ORC3: variants seen among roughly 807,000 people sequenced by gnomAD.
ORC3 encodes homolog of latheo, Drosophila.
In ORC3, 78 loss-of-function variants were observed where a neutral mutation model predicts 100.7. The observed-to-expected ratio is 0.77, with a 90% CI of 0.65 to 0.94. ORC3 has a LOEUF of 0.94. Ranked by LOEUF, ORC3 falls within the 40% of genes least tolerant of loss-of-function variation. The probability of loss-of-function intolerance (pLI) is 0.00; values close to 1 mark genes in which losing one functional copy is unlikely to be tolerated. For missense variants in ORC3, 789 were observed against 823.9 expected (o/e 0.96, Z 0.52); for synonymous variants, 295 against 289.3 (o/e 1.02, Z -0.20).
intron 8 of ORC3, among the ~76,000 whole-genome samples, chr6:87,613,585 C>T (rs557187591): frequency 1.3e-5 from 2 of 152,274 alleles, no homozygotes; most frequent in Admixed American, 6.5e-5. Flanking sequence ...GTCCCTTCTG[C>T]CTATGAGCCT....
the ORC3 span, among the ~76,000 whole-genome samples, chr6:87,674,395 T>G: frequency 6.6e-6 from 1 of 151,554 alleles, no homozygotes; most frequent in Non-Finnish European, 1.5e-5. Flanking sequence ...GGAAATATGC[T>G]ACTAGAATTC....
At position 87,642,641 on chromosome 6, in the gene ORC3, G is replaced by T. The variant is rs191442119; in HGVS notation, c.1382+6155G>T. The stretch of plus-strand genomic sequence containing the variant: ...TAAATGGCCGGGTGTGGTGGCTCAC[G>T]CCTGTAATCCCAGCACTTTGGGAGG... On this transcript the variant is annotated intron_variant, in intron 13 of 19. Transcript: ENST00000392844. Among the ~76,000 whole-genome samples the T allele has an allele frequency of 1.5e-3, 226 of 151,984 alleles. 1 individual carries two copies. Among genetic ancestry groups the T allele is most frequent in the Middle Eastern group, 6.8e-3 (2 of 294 alleles).
downstream of ORC3, among the ~76,000 whole-genome samples, chr6:87,669,437 ATGTT>A (rs1333635016): frequency 1.3e-5 from 2 of 152,216 alleles, no homozygotes; most frequent in Non-Finnish European, 2.9e-5. Context: ...GTCAGCTTGA[ATGTT>A]TGTTAAGGAA....
intron 9 of ORC3, among the ~76,000 whole-genome samples, chr6:87,616,772 T>C (rs930217381): frequency 6.6e-5 from 10 of 152,120 alleles, no homozygotes; most frequent in Non-Finnish European, 1.3e-4. Context: ...GTCAGCAAAC[T>C]TCTGTAAAGG....
At chr6:87,606,341 T>C (rs375660929) in intron 5 of ORC3, among the ~76,000 whole-genome samples, 1 of 152,110 alleles carries the variant, frequency 6.6e-6, no homozygotes, top group Non-Finnish European at 1.5e-5. Flanking sequence ...AAGCTGAGAA[T>C]TGGGGAATGA....
At chr6:87,669,821 G>A (rs542873897), downstream of ORC3, among the ~76,000 whole-genome samples, 1 of 152,304 alleles carries the variant, frequency 6.6e-6, no homozygotes, top group South Asian at 2.1e-4. Context: ...TAAGGAAGTT[G>A]GCAACAGGGA....
At chr6:87,625,734 T>G (rs1341848593) in intron 11 of ORC3, among the ~76,000 whole-genome samples, 3 of 152,216 alleles carry the variant, frequency 2.0e-5, no homozygotes, top group African/African-American at 7.2e-5. Context: ...TTGTTGACAT[T>G]GCTTTTGGTG....
At chr6:87,631,584 C>G (rs1158963895) in intron 11 of ORC3, among the ~76,000 whole-genome samples, 4 of 152,076 alleles carry the variant, frequency 2.6e-5, no homozygotes, top group African/African-American at 9.7e-5. Flanking sequence ...CCTCCGCCTC[C>G]TGGGTTCAAG....
chr6:87,652,625 G>A (rs539368192), intron 13 of ORC3, among the ~76,000 whole-genome samples: 22 of 152,294 alleles, frequency 1.4e-4, no homozygotes, highest in African/African-American at 4.8e-4. Flanking sequence ...CATTTAGCAC[G>A]TCATATCTTC....
the ORC3 span, chr6:87,675,591 C>T: frequency 3.7e-4 from 598 of 1,613,976 alleles, 7 homozygotes; most frequent in East Asian, 8.2e-3. Flanking sequence ...ATGCAGGATA[C>T]GTGATTCATG....
At chr6:87,619,156 C>T (rs191286635) in intron 9 of ORC3, among the ~76,000 whole-genome samples, 44 of 152,200 alleles carry the variant, frequency 2.9e-4, no homozygotes, top group Admixed American at 8.5e-4. Flanking sequence ...AGACTAAAAA[C>T]AAGGAGAACC....
At chr6:87,602,955 A>ATATATATATATATATATATAT (rs1778055462) in intron 3 of ORC3, among the ~76,000 whole-genome samples, 1 of 70,210 alleles carries the variant, frequency 1.4e-5, no homozygotes, top group African/African-American at 7.0e-5. Flanking sequence ...CACATATATA[A>ATATATATATATATATATATAT]TATATATATA....
At chr6:87,645,351 T>C (rs1768678014) in intron 13 of ORC3, among the ~76,000 whole-genome samples, 1 of 152,162 alleles carries the variant, frequency 6.6e-6, no homozygotes, top group African/African-American at 2.4e-5. Context: ...GCACCTAATA[T>C]GAAATATCAA....
intron 1 of ORC3, among the ~76,000 whole-genome samples, chr6:87,591,258 C>T (rs1562307881): frequency 6.6e-6 from 1 of 152,106 alleles, no homozygotes; most frequent in Non-Finnish European, 1.5e-5. Flanking sequence ...AGCGGGAAGC[C>T]CCTGAAGTTA....
intron 7 of ORC3, among the ~76,000 whole-genome samples, chr6:87,610,579 C>T (rs1329215350): frequency 6.7e-6 from 1 of 149,406 alleles, no homozygotes; most frequent in Non-Finnish European, 1.5e-5. Context: ...CGGAGTCTCG[C>T]TCTGTCGCCC....
chr6:87,630,328 G>A (rs1767305919), intron 11 of ORC3, among the ~76,000 whole-genome samples: 1 of 152,176 alleles, frequency 6.6e-6, no homozygotes, highest in African/African-American at 2.4e-5. Context: ...TTGACCCTGG[G>A]AGGTCAAGGC....
At chr6:87,626,974 TTTTA>T (rs200967830) in intron 11 of ORC3, among the ~76,000 whole-genome samples, 7 of 151,962 alleles carry the variant, frequency 4.6e-5, no homozygotes, top group South Asian at 4.1e-4. Flanking sequence ...TATGAACACA[TTTTA>T]TTTATTTATT....
intron 13 of ORC3, among the ~76,000 whole-genome samples, chr6:87,641,524 A>G (rs969236711): frequency 2.0e-5 from 3 of 152,184 alleles, no homozygotes; most frequent in African/African-American, 7.2e-5. Flanking sequence ...CACTAGTCAT[A>G]TTGGCACAGG....
At chr6:87,615,163 A>G (rs946426404) in intron 8 of ORC3, among the ~76,000 whole-genome samples, 2 of 152,204 alleles carry the variant, frequency 1.3e-5, no homozygotes, top group South Asian at 4.1e-4. Flanking sequence ...GCAGGCAAAG[A>G]GAGAGAGCTT....
Sources: allele counts gnomAD v4.1 joint callset (sites outside exome capture counted in the v4.1 genomes callset), GRCh38; gene constraint gnomAD v4.1.1; transcripts MANE v1.5; gene names NCBI Gene and HGNC (gene_info 2026-07-23, HGNC 2026-07-21).